The following CDC73 variants were observed in gnomAD, a reference collection of about 807,000 sequenced individuals.
CDC73 encodes the protein cell division cycle 73, also known as parafibromin.
CDC73 carries 21 observed loss-of-function variants against 83.7 expected under a neutral mutation model. The observed-to-expected ratio is 0.25, with a 90% CI of 0.18 to 0.36. CDC73 has a LOEUF of 0.36. CDC73 is among the 10% of genes least tolerant of loss of function. The pLI, the probability that CDC73 is intolerant of heterozygous loss-of-function variation, is 1.00. For missense variants in CDC73, 342 were observed against 653.3 expected (o/e 0.52, Z 5.19); for synonymous variants, 224 against 212.9 (o/e 1.05, Z -0.45).
At chr1:193,184,265 A>G (rs1676768051) in intron 10 of CDC73, among the ~76,000 whole-genome samples, 1 of 151,912 alleles carries the variant, frequency 6.6e-6, no homozygotes, top group South Asian at 2.1e-4. Context: ...AAAGATTCTC[A>G]GGTCTTATAA....
At chr1:193,135,695 T>C (rs1430318184) in intron 5 of CDC73, 106 bp downstream of exon 5, 1 of 891,682 alleles carries the variant, frequency 1.1e-6, no homozygotes, top group African/African-American at 1.7e-5. Flanking sequence ...GCTTTTTTTC[T>C]GGAAAAATTT....
intron 10 of CDC73, among the ~76,000 whole-genome samples, chr1:193,177,373 A>AAAAAAAAAAAG: frequency 6.8e-6 from 1 of 147,172 alleles, no homozygotes; most frequent in Non-Finnish European, 1.5e-5. Context: ...AAAAAAAAAA[A>AAAAAAAAAAAG]AAAAAAATCA....
chr1:193,244,063 T>TG (rs1231296756), intron 15 of CDC73, among the ~76,000 whole-genome samples: 1 of 152,092 alleles, frequency 6.6e-6, no homozygotes, highest in Non-Finnish European at 1.5e-5. Context: ...AGTAAAAAAT[T>TG]GGGGGGAAAA....
intron 11 of CDC73, among the ~76,000 whole-genome samples, chr1:193,208,222 T>A (rs1023719635): frequency 2.0e-5 from 3 of 152,226 alleles, no homozygotes; most frequent in Admixed American, 2.0e-4. Flanking sequence ...TCCAAATTTA[T>A]CTATTTTTCT....
At chr1:193,191,995 A>G (rs1294204205) in intron 10 of CDC73, among the ~76,000 whole-genome samples, 1 of 152,250 alleles carries the variant, frequency 6.6e-6, no homozygotes, top group Admixed American at 6.5e-5. Flanking sequence ...TAATTTATTT[A>G]AAGTATAACA....
At chr1:193,181,018 C>T in intron 10 of CDC73, 1 of 1,613,728 alleles carries the variant, frequency 6.2e-7, no homozygotes, top group South Asian at 1.1e-5. Flanking sequence ...GATTTGAATA[C>T]CAGGTGCTAG....
At chr1:193,209,713 T>G (rs1219599867) in intron 11 of CDC73, among the ~76,000 whole-genome samples, 3 of 152,170 alleles carry the variant, frequency 2.0e-5, no homozygotes, top group African/African-American at 4.8e-5. Flanking sequence ...CATTTGTGAG[T>G]TTTTTTATTT....
Position 193,141,923 on chromosome 1 carries a change from A to G in CDC73, c.586A>G (p.Thr196Ala). The change falls in exon 7 of 17, where the codon ACT becomes GCT. Residue 196 changes from threonine to alanine, a missense_variant. Around this residue, in one of 3 missense-constraint regions of CDC73, gnomAD observed 239 missense variants for 420.6 expected, o/e 0.57. Coordinates refer to ENST00000367435, the MANE Select transcript of CDC73 (RefSeq NM_024529.5). The part of the protein sequence containing the change: ...KAKIMAKKRS[T>A]IKTDLDDDIT... Reference sequence around the variant, plus strand: ...CAAAATTATGGCTAAGAAAAGATCTACTATCAAGACTGATCTAGATGATGA... The same window carrying G: ...CAAAATTATGGCTAAGAAAAGATCTGCTATCAAGACTGATCTAGATGATGA... The G allele has an allele frequency of 6.2e-7, 1 of 1,613,828 alleles. No individual in the cohort carries two copies. The highest frequency in any genetic ancestry group is 8.5e-7 in the Non-Finnish European group (1 of 1,179,754).
intron 15 of CDC73, among the ~76,000 whole-genome samples, chr1:193,243,900 A>G (rs1677905089): frequency 6.6e-6 from 1 of 152,232 alleles, no homozygotes; most frequent in Admixed American, 6.5e-5. Flanking sequence ...AATCTTGATT[A>G]GTTGTTAACA....
At chr1:193,131,002 A>T (rs1675684269) in intron 3 of CDC73, among the ~76,000 whole-genome samples, 1 of 151,816 alleles carries the variant, frequency 6.6e-6, no homozygotes, top group South Asian at 2.1e-4. Context: ...CTTTTCTTTT[A>T]ACCTGTATTC....
In CDC73 at chr1:193,249,733, A is replaced by G. The variant is rs1678015324; in HGVS notation, c.1421A>G (p.Lys474Arg). Residue 474 changes from lysine to arginine, a missense_variant, in exon 16 of 17, where the codon AAA (lysine) becomes AGA (arginine). Transcript: ENST00000367435. Reference protein sequence around the residue: ...GSPVDIFAKIKAFHLKYDEVR... With the variant: ...GSPVDIFAKIRAFHLKYDEVR... ...CTTCTCTCCACCCTCTCTATAGTTA[A>G]AGCCTTCCATCTGAAGTATGATGAA... The G allele has an allele frequency of 6.2e-7, 1 of 1,608,000 alleles. No individual in the cohort carries two copies. The highest frequency in any genetic ancestry group is 8.5e-7 in the Non-Finnish European group (1 of 1,174,962).
chr1:193,213,177 A>T (rs975698093), intron 13 of CDC73, among the ~76,000 whole-genome samples: 1 of 152,192 alleles, frequency 6.6e-6, no homozygotes, highest in Non-Finnish European at 1.5e-5. Context: ...TATTGTGACT[A>T]TTTTTAAATC....
At chr1:193,210,786 C>A (rs545812734) in intron 11 of CDC73, among the ~76,000 whole-genome samples, 2 of 151,954 alleles carry the variant, frequency 1.3e-5, no homozygotes, top group Non-Finnish European at 2.9e-5. Flanking sequence ...ATCATATGGT[C>A]ATTTTCAGAT....
intron 10 of CDC73, among the ~76,000 whole-genome samples, chr1:193,177,358 C>CAATAAAAAAAAAAAAAA (rs1676624084): frequency 1.4e-5 from 1 of 69,544 alleles, no homozygotes; most frequent in Non-Finnish European, 2.6e-5. Flanking sequence ...ACTAAAAATA[C>CAATAAAAAAAAAAAAAA]AAAAAAAAAA....
chr1:193,139,880 A>G (rs989563317), intron 6 of CDC73, among the ~76,000 whole-genome samples: 19 of 152,246 alleles, frequency 1.2e-4, no homozygotes, highest in Non-Finnish European at 2.2e-4. Flanking sequence ...AACAGGCACT[A>G]TTCTTCACTT....
intron 10 of CDC73, among the ~76,000 whole-genome samples, chr1:193,153,161 C>T (rs1010860194): frequency 2.0e-5 from 3 of 152,078 alleles, no homozygotes; most frequent in Non-Finnish European, 2.9e-5. Context: ...GAACTAAATA[C>T]TTGGGTATCT....
At chr1:193,131,485 A>T (rs574992306) in intron 3 of CDC73, among the ~76,000 whole-genome samples, 8 of 152,292 alleles carry the variant, frequency 5.3e-5, no homozygotes, top group Admixed American at 3.9e-4. Flanking sequence ...TAGTCTTAGC[A>T]ATAGAGTGTC....
chr1:193,174,018 T>A (rs1247017806), intron 10 of CDC73, among the ~76,000 whole-genome samples: 1 of 152,216 alleles, frequency 6.6e-6, no homozygotes, highest in Admixed American at 6.5e-5. Flanking sequence ...GAAGAAAGTC[T>A]TAATTTCATT....
chr1:193,186,652 A>G (rs922407537), intron 10 of CDC73: 1 of 152,072 alleles, frequency 6.6e-6, no homozygotes, highest in African/African-American at 2.4e-5. Context: ...GCAGAATTTA[A>G]CGTCACTGCT....
Sources: allele counts gnomAD v4.1 joint callset (sites outside exome capture counted in the v4.1 genomes callset), GRCh38; gene constraint gnomAD v4.1.1; regional missense constraint gnomAD v4.1.1; transcripts MANE v1.5; gene names NCBI Gene and HGNC (gene_info 2026-07-23, HGNC 2026-07-21).